MYOM2: variants seen among roughly 807,000 people sequenced by gnomAD.
MYOM2 encodes myomesin 2, also known as myomesin-2.
Under a neutral mutation model 187.6 loss-of-function variants are expected in MYOM2, and 254 were observed. The ratio of observed to expected loss-of-function variants is 1.35; its 90% CI spans 1.22 to 1.50. The LOEUF is 1.50. Among genes scored for constraint, MYOM2 ranks in the 40% most tolerant of loss-of-function variants. MYOM2 has a pLI of 0.00. For missense variants in MYOM2, 2,796 were observed against 1,924.0 expected (o/e 1.45, Z -8.48); for synonymous variants, 981 against 753.8 (o/e 1.30, Z -4.94).
rs996028395 is a variant in MYOM2, at chr8:2,145,165, C to G, written c.*184C>G. 5 of 660,050 alleles carry G rather than the reference C, an allele frequency of 7.6e-6. No individual in the cohort carries two copies. The African/African-American group carries it at 9.1e-5, about 12-fold the overall frequency. The allele number at this position is 660,050 out of a possible 1,614,324, so 40.9% of individuals were successfully genotyped here. A position where few individuals can be genotyped will look rare whatever the true frequency, so the allele number is the denominator to read the frequency against. On this transcript the variant is annotated 3_prime_UTR_variant, in exon 37 of 37. Coordinates refer to ENST00000262113, the MANE Select transcript of MYOM2 (RefSeq NM_003970.4). ...TTTTATACCCGTCTAAGGGAGAAAG[C>G]TAATGTTTTCCACAAGACTGAACAA...
In MYOM2 at chr8:2,121,392, C is replaced by G. The variant is rs183685124; in HGVS notation, c.3454-1860C>G. Among the ~76,000 whole-genome samples the G allele has an allele frequency of 2.6e-5, 4 of 152,260 alleles. No individual in the cohort carries two copies. In the East Asian group the frequency reaches 7.7e-4, roughly 29 times the overall value. On this transcript the variant is annotated intron_variant, in intron 28 of 36. Coordinates refer to ENST00000262113, the MANE Select transcript of MYOM2 (RefSeq NM_003970.4). ...TGCTTTCCATGGGCTCTGATATCAT[C>G]TTAGTGGGATAGAACCGTCTATAAA... is the stretch of plus-strand genomic sequence containing the variant.
chr8:2,132,488 A>G (rs529418258), intron 32 of MYOM2, among the ~76,000 whole-genome samples: 9 of 152,354 alleles, frequency 5.9e-5, no homozygotes, highest in South Asian at 2.1e-4. Flanking sequence ...AGATTAATAT[A>G]TCATCTAGAC....
intron 32 of MYOM2, among the ~76,000 whole-genome samples, chr8:2,138,753 G>C (rs1585978358): frequency 7.1e-6 from 1 of 140,428 alleles, no homozygotes; most frequent in Non-Finnish European, 1.6e-5. Flanking sequence ...TGTCTTCTTG[G>C]ATTCTAAAAC....
At chr8:2,053,703 T>C (rs1818565408) in intron 3 of MYOM2, among the ~76,000 whole-genome samples, 1 of 152,184 alleles carries the variant, frequency 6.6e-6, no homozygotes, top group South Asian at 2.1e-4. Context: ...AGGGGTTATG[T>C]TCTCACGGCA....
At chr8:2,053,788 C>T (rs981980241) in intron 3 of MYOM2, among the ~76,000 whole-genome samples, 4 of 152,210 alleles carry the variant, frequency 2.6e-5, no homozygotes, top group Admixed American at 2.0e-4. Flanking sequence ...GGCACTTTCT[C>T]AGCTTTGTGT....
intron 28 of MYOM2, chr8:2,119,595 A>C (rs779477542): frequency 6.6e-6 from 1 of 151,994 alleles, no homozygotes; most frequent in Non-Finnish European, 1.5e-5. Flanking sequence ...GATGGGACAC[A>C]AGGGGGGATA....
At chr8:2,141,344 TCTC>T (rs1798267615) in intron 34 of MYOM2, among the ~76,000 whole-genome samples, 167 bp downstream of exon 34, 1 of 152,138 alleles carries the variant, frequency 6.6e-6, no homozygotes, top group Non-Finnish European at 1.5e-5. Flanking sequence ...GGGTGGGCAT[TCTC>T]CTAAACCAGA....
Position 2,140,260 on chromosome 8 carries a change from T to A in MYOM2, c.3801-463T>A, listed in dbSNP as rs142509528. ...TTCCCTCATGTATTTATGGACCACA[T>A]TCTACTGATCCATTCATCACCAATG... On this transcript the variant is annotated intron_variant, in intron 32 of 36. Transcript: ENST00000262113. Among the ~76,000 whole-genome samples the A allele has an allele frequency of 5.2e-3, 796 of 152,268 alleles. 11 individuals carry two copies. The highest frequency in any genetic ancestry group is 5.5e-3 in the Non-Finnish European group (374 of 68,034).
At position 2,088,004 on chromosome 8, in the gene MYOM2, G is replaced by C. The variant is rs550258803; in HGVS notation, c.1645-2004G>C. 2.6e-5 allele frequency among the ~76,000 whole-genome samples: 4 copies of C among 152,078 alleles called. No homozygotes were observed. In the South Asian group the frequency reaches 8.3e-4, roughly 32 times the overall value. On this transcript the variant is annotated intron_variant, in intron 14 of 36. Coordinates refer to ENST00000262113, the MANE Select transcript of MYOM2 (RefSeq NM_003970.4). Reference sequence around the variant, plus strand: ...AGCCAGTGTGTGGGCAGAACTACCTGCTGTCAGTATTGATGACATGGCAGG... The same window carrying C: ...AGCCAGTGTGTGGGCAGAACTACCTCCTGTCAGTATTGATGACATGGCAGG...
intron 32 of MYOM2, among the ~76,000 whole-genome samples, chr8:2,133,739 G>T (rs1291926920): frequency 6.6e-6 from 1 of 151,894 alleles, no homozygotes; most frequent in Admixed American, 6.6e-5. Flanking sequence ...GGGATTACAG[G>T]TGTGAGCCAC....
chr8:2,068,092 G>C (rs1819076933), intron 6 of MYOM2, among the ~76,000 whole-genome samples: 1 of 152,198 alleles, frequency 6.6e-6, no homozygotes, highest in Admixed American at 6.5e-5. Context: ...TTAAAGGATG[G>C]AGAGCATCGT....
rs959299964 is a variant in MYOM2 at position 2,096,261 on chromosome 8, C to T, written c.2140C>T (p.Pro714Ser). The change falls in exon 18 of 37, where the codon CCT becomes TCT. Residue 714 changes from proline (P) to serine (S), a missense_variant. By Grantham distance (74) the Pro-to-Ser change is moderately conservative. Coordinates refer to ENST00000262113, the MANE Select transcript of MYOM2 (RefSeq NM_003970.4). ...CTTCCTTGCAGCCGTCCCGTCCCAT[C>T]CTTATGGGATTACGCTCCTCAACTG... ...VQAALTVPSH[P>S]YGITLLNCDG... 6.2e-7 allele frequency: 1 copy of T among 1,613,958 alleles called. No homozygotes were observed. Among genetic ancestry groups the T allele is most frequent in the Non-Finnish European group, 8.5e-7 (1 of 1,180,012 alleles).
intron 6 of MYOM2, among the ~76,000 whole-genome samples, chr8:2,062,850 G>C (rs1731119053): frequency 6.6e-6 from 1 of 152,178 alleles, no homozygotes; most frequent in Admixed American, 6.5e-5. Flanking sequence ...AGAAAAGAAT[G>C]ATATACCTTT....
chr8:2,060,480 T>A lies in MYOM2; in HGVS notation c.653+1235T>A, dbSNP rs1818816848. ...TGTGTGTGTAGTCAGTTATATCAAA[T>A]CCCTTCTAGGAAAACATGAGGGATG... On this transcript the variant is annotated intron_variant, in intron 6 of 36. Coordinates refer to ENST00000262113, the MANE Select transcript of MYOM2 (RefSeq NM_003970.4). Among the ~76,000 whole-genome samples, 3 of 151,800 alleles carry A rather than the reference T, an allele frequency of 2.0e-5. No homozygotes were observed. The South Asian group carries it at 6.2e-4, about 32-fold the overall frequency.
chr8:2,129,107 G>C lies in MYOM2; in HGVS notation c.3695-20G>C, dbSNP rs779927131. The stretch of plus-strand genomic sequence containing the variant: ...CAGGCACTCCTTTTCCTAGATCTGA[G>C]GATGTTTTATTTTCTGCAGGGAAAT... On this transcript the variant is annotated intron_variant, in intron 31 of 36. Transcript: ENST00000262113. 1.9e-6 allele frequency: 3 copies of C among 1,572,770 alleles called. No homozygotes were observed. Among genetic ancestry groups the C allele is most frequent in the Non-Finnish European group, 2.6e-6 (3 of 1,143,882 alleles).
At chr8:2,079,646 C>A in intron 13 of MYOM2, 33 bp downstream of exon 13, 1 of 1,606,842 alleles carries the variant, frequency 6.2e-7, no homozygotes, top group South Asian at 1.1e-5. Flanking sequence ...AGCTGCTCAG[C>A]CCCTGGGGAT....
intron 13 of MYOM2, chr8:2,082,290 A>G (rs998482381): frequency 1.2e-4 from 19 of 152,226 alleles, no homozygotes; most frequent in African/African-American, 4.6e-4. Flanking sequence ...AAAAATCTTT[A>G]GCCAAAGAAA....
chr8:2,116,977 A>C (rs1047945682), intron 27 of MYOM2, among the ~76,000 whole-genome samples: 7 of 152,030 alleles, frequency 4.6e-5, no homozygotes, highest in Non-Finnish European at 1.0e-4. Flanking sequence ...GTTAACCAGG[A>C]TGGTCTCGAT....
chr8:2,133,965 G>C (rs75757100), intron 32 of MYOM2, among the ~76,000 whole-genome samples: 1 of 128,402 alleles, frequency 7.8e-6, no homozygotes, highest in African/African-American at 3.6e-5. Flanking sequence ...TGAGGTTAAC[G>C]TCTTCTGTAG....
Sources: allele counts gnomAD v4.1 joint callset (sites outside exome capture counted in the v4.1 genomes callset), GRCh38; gene constraint gnomAD v4.1.1; transcripts MANE v1.5; gene names NCBI Gene and HGNC (gene_info 2026-07-23, HGNC 2026-07-21).